The following PHEX variants were observed in gnomAD, a reference collection of about 807,000 sequenced individuals.
The protein encoded by PHEX is phosphate regulating endopeptidase X-linked.
Under a neutral mutation model 68.0 loss-of-function variants are expected in PHEX, and 16 were observed. The observed-to-expected ratio is 0.24, with a 90% CI of 0.16 to 0.36. The LOEUF is 0.36. Ranked by LOEUF, PHEX falls within the 10% of genes least tolerant of loss-of-function variation. The pLI, the probability that PHEX is intolerant of heterozygous loss-of-function variation, is 1.00. For synonymous variants in PHEX, 208 were observed against 205.1 expected, an observed-to-expected ratio of 1.01 and a Z score of -0.12; for missense variants, 480 against 575.5, an observed-to-expected ratio of 0.83 and a Z score of 1.70.
rs913106837 is a variant in PHEX at position 22,250,464 on chromosome X, G to T, written c.*2511G>T. On this transcript the variant is annotated 3_prime_UTR_variant, in exon 22 of 22. Transcript: ENST00000379374. ...ATTATGGTAAATTAAAAGGATATTA[G>T]ATATTGGATCTCAGACTAGGGCTGC... The T allele has an allele frequency of 1.8e-5, 2 of 111,856 alleles. No individual in the cohort carries two copies. Among genetic ancestry groups the T allele is most frequent in the Non-Finnish European group, 3.8e-5 (2 of 53,204 alleles). The allele number at this position is 111,856 out of a possible 1,213,427, so 9.2% of individuals were successfully genotyped here. A position where few individuals can be genotyped will look rare whatever the true frequency, so the allele number is the denominator to read the frequency against.
At chrX:22,157,950 C>A (rs1177449140) in intron 12 of PHEX, among the ~76,000 whole-genome samples, 1 of 111,283 alleles carries the variant, frequency 9.0e-6, no homozygotes, top group Non-Finnish European at 1.9e-5. Context: ...TGGACCGCAC[C>A]CAAAAGCAAT....
intron 2 of PHEX, among the ~76,000 whole-genome samples, chrX:22,045,998 G>A (rs1927510886): frequency 8.9e-6 from 1 of 112,415 alleles, no homozygotes; most frequent in Admixed American, 9.4e-5. Context: ...CCAAACCATA[G>A]AGGCCTGGAA....
chrX:22,095,796 A>G (rs991396268), intron 7 of PHEX, among the ~76,000 whole-genome samples: 2 of 112,535 alleles, frequency 1.8e-5, no homozygotes, highest in African/African-American at 6.5e-5. Context: ...TACACTACAC[A>G]TCACTAGGTA....
chrX:22,063,982 A>G (rs1234774211), intron 3 of PHEX, among the ~76,000 whole-genome samples: 2 of 112,481 alleles, frequency 1.8e-5, no homozygotes, highest in Non-Finnish European at 3.8e-5. Flanking sequence ...AATGAATACC[A>G]TATTTCATCA....
rs1383361141 is a variant in PHEX, at chrX:22,071,524, G to T, written c.350-4864G>T. ...CAGCCATGCCAAGCTCTGGGTCCTG[G>T]GTGTTCAAAGATGAATGTGACCCAG... On this transcript the variant is annotated intron_variant, in intron 3 of 21. Transcript: ENST00000379374. Among the ~76,000 whole-genome samples, 3 of 111,672 alleles carry T rather than the reference G, an allele frequency of 2.7e-5. No homozygotes were observed. The East Asian group carries it at 8.4e-4, about 31-fold the overall frequency.
intron 13 of PHEX, chrX:22,172,001 G>A (rs1425716395): frequency 2.7e-5 from 3 of 112,258 alleles, no homozygotes; most frequent in Non-Finnish European, 1.9e-5. Context: ...TTGGGCTCAT[G>A]TGGAAATAAA....
Position 22,247,891 on chromosome X carries a change from G to T in PHEX, c.2188G>T (p.Ala730Ser), listed in dbSNP as rs752729907. 8.3e-5 allele frequency: 100 copies of T among 1,208,053 alleles called. No individual in the cohort carries two copies. The South Asian group carries it at 1.7e-3, about 21-fold the overall frequency. Reference sequence around the variant, plus strand: ...TAGTAACTTTGAAGAATTCCAGAAAGCTTTTAACTGTCCACCCAATTCCAC... The same window carrying T: ...TAGTAACTTTGAAGAATTCCAGAAATCTTTTAACTGTCCACCCAATTCCAC... The part of the protein sequence containing the change: ...AISNFEEFQK[A>S]FNCPPNSTMN... The change falls in exon 22 of 22, where the codon GCT (alanine) becomes TCT (serine). Residue 730 changes from alanine (A) to serine (S), a missense_variant. Transcript: ENST00000379374.
chrX:22,222,495 T>C (rs140374988), intron 18 of PHEX, among the ~76,000 whole-genome samples: 1,530 of 111,207 alleles, frequency 0.014, 23 homozygotes, highest in African/African-American at 0.048. Flanking sequence ...GGATTTGTTG[T>C]AAGAATTAAG....
intron 15 of PHEX, among the ~76,000 whole-genome samples, chrX:22,192,166 C>T (rs1934218131): frequency 1.4e-5 from 1 of 70,828 alleles, no homozygotes; most frequent in African/African-American, 9.7e-5. Flanking sequence ...CCCCAAGGCT[C>T]AGTCTGCACC....
intron 15 of PHEX, among the ~76,000 whole-genome samples, chrX:22,209,753 C>CTCCCTCTG (rs1569427989): frequency 5.5e-3 from 185 of 33,492 alleles, no homozygotes; most frequent in African/African-American, 0.014. Flanking sequence ...TGCTCCCTCT[C>CTCCCTCTG]CTCCCTCTCC....
intron 14 of PHEX, 22 bp from the exon 15 acceptor site, chrX:22,190,422 G>T (rs750291003): frequency 2.7e-6 from 3 of 1,127,767 alleles, no homozygotes; most frequent in Non-Finnish European, 3.7e-6. Flanking sequence ...TTGCTCTCTG[G>T]CATTTGTTTC....
intron 13 of PHEX, among the ~76,000 whole-genome samples, chrX:22,169,561 A>C (rs1237556146): frequency 8.9e-6 from 1 of 112,378 alleles, no homozygotes; most frequent in Non-Finnish European, 1.9e-5. Context: ...TTTCAGAGCC[A>C]GGACTGATAT....
chrX:22,065,714 G>T (rs1344434414), intron 3 of PHEX, among the ~76,000 whole-genome samples: 1 of 111,803 alleles, frequency 8.9e-6, no homozygotes, highest in African/African-American at 3.3e-5. Context: ...GTGAGCCACC[G>T]CGCCCGGCCG....
intron 4 of PHEX, among the ~76,000 whole-genome samples, chrX:22,077,214 G>A (rs775049698): frequency 4.5e-5 from 5 of 111,694 alleles, no homozygotes; most frequent in African/African-American, 9.8e-5. Context: ...CATGTTTATT[G>A]TAGTGAATAT....
intron 8 of PHEX, 98 bp downstream of exon 8, chrX:22,097,136 C>G: frequency 1.6e-6 from 1 of 622,086 alleles, no homozygotes; most frequent in Non-Finnish European, 2.7e-6. Flanking sequence ...AAAACCTGCT[C>G]TCAGTCTTGG....
intron 12 of PHEX, among the ~76,000 whole-genome samples, chrX:22,138,180 C>A (rs1932310279): frequency 8.8e-6 from 1 of 113,052 alleles, no homozygotes; most frequent in Non-Finnish European, 1.9e-5. Context: ...GGATTCCCAA[C>A]TAGGACACAG....
intron 5 of PHEX, among the ~76,000 whole-genome samples, chrX:22,086,098 C>A (rs1300218108): frequency 8.9e-6 from 1 of 111,790 alleles, no homozygotes; most frequent in Non-Finnish European, 1.9e-5. Flanking sequence ...TTGACTCTAG[C>A]CCAAGATCAG....
intron 12 of PHEX, chrX:22,162,812 G>A (rs916283649): frequency 1.8e-5 from 2 of 111,448 alleles, no homozygotes; most frequent in African/African-American, 3.3e-5. Context: ...GCTGGCCTTC[G>A]AATGCCATCA....
intron 15 of PHEX, among the ~76,000 whole-genome samples, chrX:22,191,959 A>C (rs1450316086): frequency 8.9e-6 from 1 of 112,362 alleles, no homozygotes; most frequent in Non-Finnish European, 1.9e-5. Context: ...CTATATAAAT[A>C]AAGTTGAAAA....
Sources: gnomAD v4.1 joint callset for allele counts (sites outside exome capture counted in the v4.1 genomes callset) on GRCh38, gnomAD v4.1.1 for gene constraint, MANE v1.5 for transcripts, NCBI Gene and HGNC (gene_info 2026-07-23, HGNC 2026-07-21) for gene names.